COMMD10: variants seen among roughly 807,000 people sequenced by gnomAD.
COMMD10 encodes COMM domain containing 10, also known as COMM domain-containing protein 10.
A neutral mutation model predicts 28.9 loss-of-function variants in COMMD10; 33 were observed. That is an observed-to-expected ratio of 1.14 (90% CI 0.87 to 1.53). The LOEUF is 1.53. Ranked by LOEUF, COMMD10 falls within the 40% of genes most tolerant of loss-of-function variation. The pLI, the probability that COMMD10 is intolerant of heterozygous loss-of-function variation, is 0.00. For missense variants in COMMD10, 310 were observed against 233.4 expected, an observed-to-expected ratio of 1.33 and a Z score of -2.14; for synonymous variants, 110 against 81.7, an observed-to-expected ratio of 1.35 and a Z score of -1.87.
At chr5:116,124,688 T>A (rs566015278) in intron 4 of COMMD10, among the ~76,000 whole-genome samples, 3 of 152,288 alleles carry the variant, frequency 2.0e-5, no homozygotes, top group African/African-American at 7.2e-5. Flanking sequence ...CTCCCATTGT[T>A]ATTGTATGGG....
intron 5 of COMMD10, among the ~76,000 whole-genome samples, chr5:116,253,870 T>C (rs1171405043): frequency 2.0e-5 from 3 of 149,298 alleles, no homozygotes; most frequent in Non-Finnish European, 4.4e-5. Context: ...TCAGAAGGAA[T>C]GGTACTAGTT....
intron 4 of COMMD10, among the ~76,000 whole-genome samples, chr5:116,124,904 C>G (rs1228028107): frequency 6.6e-6 from 1 of 151,928 alleles, no homozygotes; most frequent in East Asian, 1.9e-4. Context: ...TTTATTTTTG[C>G]TTTCCATTTG....
chr5:116,154,034 G>C (rs918431614), intron 5 of COMMD10, among the ~76,000 whole-genome samples: 3 of 152,090 alleles, frequency 2.0e-5, no homozygotes, highest in Non-Finnish European at 2.9e-5. Flanking sequence ...GTAGGCAAGA[G>C]GTCAGCTGAG....
intron 5 of COMMD10, among the ~76,000 whole-genome samples, chr5:116,274,409 ATGAG>A (rs1003669827): frequency 1.3e-4 from 20 of 151,836 alleles, no homozygotes; most frequent in African/African-American, 4.9e-4. Flanking sequence ...ATATAAAAGA[ATGAG>A]TGTGGCTGTG....
At chr5:116,233,702 G>A (rs1172975715) in intron 5 of COMMD10, among the ~76,000 whole-genome samples, 2 of 152,116 alleles carry the variant, frequency 1.3e-5, no homozygotes, top group African/African-American at 2.4e-5. Context: ...AAAGAAATCA[G>A]CAAGGACAAA....
At chr5:116,118,716 G>T (rs1431514565) in intron 4 of COMMD10, among the ~76,000 whole-genome samples, 2 of 150,302 alleles carry the variant, frequency 1.3e-5, no homozygotes, top group Non-Finnish European at 3.0e-5. Context: ...AATATAGAAA[G>T]AATTGCTTTA....
intron 5 of COMMD10, among the ~76,000 whole-genome samples, chr5:116,287,473 C>G (rs1240315460): frequency 6.6e-6 from 1 of 151,736 alleles, no homozygotes; most frequent in African/African-American, 2.4e-5. Flanking sequence ...ATTGTTAGAT[C>G]TAAAGTATGT....
chr5:116,291,430 T>C lies in COMMD10; in HGVS notation c.511-87T>C, dbSNP rs966440343. 3 of 891,530 alleles carry C rather than the reference T, an allele frequency of 3.4e-6. No individual in the cohort carries two copies. The African/African-American group carries it at 5.1e-5, about 15-fold the overall frequency. The allele number at this position is 891,530 out of a possible 1,614,324, so 55.2% of individuals were successfully genotyped here. ...TAAAACCACTCAGAGGACAATCTTA[T>C]GTCATATTCTGAGGTTAGCTGGAGA... On this transcript the variant is annotated intron_variant, in intron 5 of 6. Transcript: ENST00000274458.
intron 5 of COMMD10, among the ~76,000 whole-genome samples, chr5:116,231,235 G>C (rs1749520159): frequency 6.6e-6 from 1 of 152,068 alleles, no homozygotes; most frequent in Non-Finnish European, 1.5e-5. Flanking sequence ...TTAATCCAGG[G>C]ATATCTTGTT....
chr5:116,197,189 G>A (rs920925141), intron 5 of COMMD10, among the ~76,000 whole-genome samples: 4 of 152,070 alleles, frequency 2.6e-5, no homozygotes, highest in Non-Finnish European at 5.9e-5. Context: ...AGTTTTGGAA[G>A]AGACTGTAAA....
intron 5 of COMMD10, among the ~76,000 whole-genome samples, chr5:116,164,769 T>G (rs1753038450): frequency 6.6e-6 from 1 of 152,114 alleles, no homozygotes; most frequent in South Asian, 2.1e-4. Flanking sequence ...TGCAAAATTT[T>G]GGGGGAAAAA....
intron 5 of COMMD10, among the ~76,000 whole-genome samples, chr5:116,200,964 G>A (rs373733064): frequency 6.6e-6 from 1 of 152,160 alleles, no homozygotes; most frequent in African/African-American, 2.4e-5. Flanking sequence ...GAAGTGTTCT[G>A]TTGTCCTATG....
rs189858967 is a variant in COMMD10 at position 116,274,137 on chromosome 5, A to G, written c.511-17380A>G. 2.5e-3 allele frequency among the ~76,000 whole-genome samples: 385 copies of G among 151,916 alleles called. 1 individual carries two copies. The highest frequency in any genetic ancestry group is 4.3e-3 in the Non-Finnish European group (294 of 67,996). ...GTCTGAAATTTCAACCTTGAGATGC[A>G]CTTACACTGTATTCAGTACAGCAGA... On this transcript the variant is annotated intron_variant, in intron 5 of 6. Coordinates refer to ENST00000274458, the MANE Select transcript of COMMD10 (RefSeq NM_016144.4).
chr5:116,151,424 A>T (rs545333145), intron 5 of COMMD10, among the ~76,000 whole-genome samples: 1 of 152,076 alleles, frequency 6.6e-6, no homozygotes, highest in Non-Finnish European at 1.5e-5. Context: ...GAATAGTTTC[A>T]GAAGGAGTGG....
At chr5:116,150,449 G>T (rs1752487556) in intron 5 of COMMD10, among the ~76,000 whole-genome samples, 1 of 152,112 alleles carries the variant, frequency 6.6e-6, no homozygotes, top group African/African-American at 2.4e-5. Flanking sequence ...ACCTTGGGAA[G>T]TATGGCTATT....
intron 5 of COMMD10, among the ~76,000 whole-genome samples, chr5:116,233,432 G>A (rs194182): frequency 0.095 from 14,524 of 152,164 alleles, 868 homozygotes; most frequent in East Asian, 0.24. Context: ...CCACAGATAA[G>A]GGGGAACTAT....
chr5:116,190,490 T>A (rs1236685145), intron 5 of COMMD10, among the ~76,000 whole-genome samples: 2 of 152,184 alleles, frequency 1.3e-5, no homozygotes, highest in Non-Finnish European at 2.9e-5. Context: ...CCAGCTATTT[T>A]AAAAACTATT....
At chr5:116,136,408 G>T (rs1427616862) in intron 5 of COMMD10, among the ~76,000 whole-genome samples, 2 of 152,100 alleles carry the variant, frequency 1.3e-5, no homozygotes, top group Non-Finnish European at 2.9e-5. Flanking sequence ...TATTTTTCGT[G>T]ACTACCTAAT....
intron 5 of COMMD10, among the ~76,000 whole-genome samples, chr5:116,268,356 A>G (rs200564057): frequency 0.18 from 27,229 of 151,776 alleles, 3,006 homozygotes; most frequent in African/African-American, 0.29. Flanking sequence ...AAAAATGCTC[A>G]TCATCACTGG....
Sources: gnomAD v4.1 joint callset for allele counts (sites outside exome capture counted in the v4.1 genomes callset) on GRCh38, gnomAD v4.1.1 for gene constraint, MANE v1.5 for transcripts, NCBI Gene and HGNC (gene_info 2026-07-23, HGNC 2026-07-21) for gene names.